LRRN3: variants seen among roughly 807,000 people sequenced by gnomAD.
LRRN3 encodes leucine-rich repeat neuronal protein 3.
A neutral mutation model predicts 40.1 loss-of-function variants in LRRN3; 15 were observed. That is an observed-to-expected ratio of 0.37 (90% CI 0.25 to 0.58). The LOEUF is 0.58. Among genes scored for constraint, LRRN3 ranks in the 20% least tolerant of loss-of-function variants. The pLI, the probability that LRRN3 is intolerant of heterozygous loss-of-function variation, is 0.72. For synonymous variants in LRRN3, 308 were observed against 297.2 expected (o/e 1.04, Z -0.37); for missense variants, 746 against 837.7 (o/e 0.89, Z 1.35).
chr7:111,120,080 G>C (rs145918599), intron 2 of LRRN3, among the ~76,000 whole-genome samples: 2 of 152,078 alleles, frequency 1.3e-5, no homozygotes, highest in Non-Finnish European at 2.9e-5. Flanking sequence ...AATGGCAGAC[G>C]GTGAGGTAAA....
intron 2 of LRRN3, among the ~76,000 whole-genome samples, chr7:111,118,795 T>C (rs1019610948): frequency 7.9e-5 from 12 of 152,148 alleles, no homozygotes; most frequent in Non-Finnish European, 1.6e-4. Flanking sequence ...TAAATTTCTA[T>C]ATTCTCTATT....
In LRRN3 at chr7:111,125,104, G is replaced by T; in HGVS notation, c.*205G>T. 2.2e-6 allele frequency: 1 copy of T among 461,630 alleles called. No individual in the cohort carries two copies. The highest frequency in any genetic ancestry group is 4.0e-5 in the Admixed American group (1 of 25,306). The allele number at this position is 461,630 out of a possible 1,614,324, so 28.6% of individuals were successfully genotyped here. A position where few individuals can be genotyped will look rare whatever the true frequency, so the allele number is the denominator to read the frequency against. ...CAGCATTTTAAGTAACTGGCTTCAAGGGGTACTGTGGCAACCAAATAAAAT... is the reference window on the plus strand; with the variant it reads ...CAGCATTTTAAGTAACTGGCTTCAATGGGTACTGTGGCAACCAAATAAAAT... On this transcript the variant is annotated 3_prime_UTR_variant, in exon 3 of 3. Coordinates refer to ENST00000308478, the MANE Select transcript of LRRN3 (RefSeq NM_001099658.2).
At chr7:111,103,110 G>A (rs1425341356) in intron 2 of LRRN3, among the ~76,000 whole-genome samples, 1 of 151,502 alleles carries the variant, frequency 6.6e-6, no homozygotes, top group Non-Finnish European at 1.5e-5. Context: ...GAGTACTAAT[G>A]AATGTTGTTA....
Position 111,124,072 on chromosome 7 carries a change from G to T in LRRN3, c.1300G>T (p.Val434Leu), listed in dbSNP as rs1324286321. 3 of 1,613,912 alleles carry T rather than the reference G, an allele frequency of 1.9e-6. No individual in the cohort carries two copies. The Admixed American group carries it at 5.0e-5, about 27-fold the overall frequency. Residue 434 changes from valine to leucine, a missense_variant, in exon 3 of 3, where the codon GTA becomes TTA. Val to Leu is a conservative substitution (Grantham distance 32). Transcript: ENST00000308478. ...TGAGAGCTTTCCTTCTAATCTAAAT[G>T]TAGAAGCTGGGAGCTATGTTTCCTT... ...APESFPSNLNVEAGSYVSFHC... is the reference protein window; with the variant it reads ...APESFPSNLNLEAGSYVSFHC...
chr7:111,091,872 CAGAG>C (rs1037923829), intron 1 of LRRN3, among the ~76,000 whole-genome samples: 2 of 151,722 alleles, frequency 1.3e-5, no homozygotes, highest in East Asian at 1.9e-4. Flanking sequence ...AGAGAGAAGA[CAGAG>C]AGGAGACAGA....
At chr7:111,108,639 A>C (rs1047627033) in intron 2 of LRRN3, among the ~76,000 whole-genome samples, 2 of 152,178 alleles carry the variant, frequency 1.3e-5, no homozygotes, top group African/African-American at 2.4e-5. Context: ...TCACAGATTT[A>C]ATTATACCCT....
chr7:111,124,517 A>T lies in LRRN3; in HGVS notation c.1745A>T (p.His582Leu). The stretch of plus-strand genomic sequence containing the variant: ...GATGTCAAGGTATATAATCTTACTC[A>T]TCTGAATCCATCAACTGAGTATAAA... Reference protein sequence around the residue: ...PSDVKVYNLTHLNPSTEYKIC... With the variant: ...PSDVKVYNLTLLNPSTEYKIC... Residue 582 changes from histidine to leucine, a missense_variant, in exon 3 of 3, where the codon CAT (histidine) becomes CTT (leucine). Physicochemically the swap from His to Leu is moderately conservative, Grantham distance 99 (BLOSUM62 -3). Coordinates refer to ENST00000308478, the MANE Select transcript of LRRN3 (RefSeq NM_001099658.2). 1 of 1,613,910 alleles carries T rather than the reference A, an allele frequency of 6.2e-7. No individual in the cohort carries two copies. Among genetic ancestry groups the T allele is most frequent in the Non-Finnish European group, 8.5e-7 (1 of 1,179,934 alleles).
intron 2 of LRRN3, among the ~76,000 whole-genome samples, chr7:111,117,402 C>A (rs1241876865): frequency 1.3e-5 from 2 of 152,146 alleles, no homozygotes; most frequent in African/African-American, 2.4e-5. Flanking sequence ...ACAAAATCAT[C>A]CAGTAAACCT....
chr7:111,100,119 A>C (rs1002354813), intron 2 of LRRN3, among the ~76,000 whole-genome samples, 157 bp downstream of exon 2: 1 of 151,612 alleles, frequency 6.6e-6, no homozygotes, highest in Non-Finnish European at 1.5e-5. Flanking sequence ...TGTCTTCCTT[A>C]GCATGTATTT....
rs755096505 is a variant in LRRN3, at chr7:111,124,264, G to T, written c.1492G>T (p.Ala498Ser). Residue 498 changes from alanine to serine, a missense_variant, in exon 3 of 3, where the codon GCA (alanine) becomes TCA (serine). Transcript: ENST00000308478. ...PKEGGLYTCI[A>S]TNLVGADLKS... Reference sequence around the variant, plus strand: ...AGAAGGGGGTTTATATACTTGTATAGCAACTAACCTAGTTGGCGCTGACTT... The same window carrying T: ...AGAAGGGGGTTTATATACTTGTATATCAACTAACCTAGTTGGCGCTGACTT... 3 of 1,613,964 alleles carry T rather than the reference G, an allele frequency of 1.9e-6. No homozygotes were observed. The Admixed American group carries it at 5.0e-5, about 27-fold the overall frequency.
Position 111,123,151 on chromosome 7 carries a change from A to G in LRRN3, c.379A>G (p.Lys127Glu). ...QLLSVYLEEN[K>E]LTELPEKCLS... ...CCTTTCTGTGTACCTAGAGGAAAAC[A>G]AACTTACTGAACTGCCTGAAAAATG... The change falls in exon 3 of 3, where the codon AAA (lysine) becomes GAA (glutamate). Residue 127 changes from lysine (K) to glutamate (E), a missense_variant. Lys to Glu is a moderately conservative substitution (Grantham distance 56). Coordinates refer to ENST00000308478, the MANE Select transcript of LRRN3 (RefSeq NM_001099658.2). The surrounding 1 kb of genome is among the most constrained non-coding windows in gnomAD (Gnocchi z 6.4). The G allele has an allele frequency of 6.2e-7, 1 of 1,614,000 alleles. No individual in the cohort carries two copies. The highest frequency in any genetic ancestry group is 1.1e-5 in the South Asian group (1 of 91,082).
At chr7:111,097,975 G>T (rs1331500365) in intron 1 of LRRN3, among the ~76,000 whole-genome samples, 1 of 151,818 alleles carries the variant, frequency 6.6e-6, no homozygotes, top group African/African-American at 2.4e-5. Context: ...AGCGAAAAGA[G>T]AATTGTGTCT....
intron 2 of LRRN3, among the ~76,000 whole-genome samples, chr7:111,102,621 A>C (rs1586277483): frequency 6.6e-6 from 1 of 151,626 alleles, no homozygotes. Context: ...AAAATTACTA[A>C]ATGGAAGCCC....
chr7:111,114,740 AAAAAAAAAAAAAAGAAAG>A (rs1358769182), intron 2 of LRRN3, among the ~76,000 whole-genome samples: 1 of 147,966 alleles, frequency 6.8e-6, no homozygotes, highest in Non-Finnish European at 1.5e-5. Context: ...CTCCATCTCA[AAAAAAAAAAAAAAGAAAG>A]AAAGAAAAAA....
At chr7:111,094,663 C>A (rs984712153) in intron 1 of LRRN3, among the ~76,000 whole-genome samples, 2 of 152,146 alleles carry the variant, frequency 1.3e-5, no homozygotes, top group African/African-American at 2.4e-5. Flanking sequence ...TGTATAACAA[C>A]TGAACATAGC....
Position 111,118,989 on chromosome 7 carries a change from A to C in LRRN3, c.-358-3426A>C, listed in dbSNP as rs532719665. Among the ~76,000 whole-genome samples the C allele has an allele frequency of 8.5e-5, 13 of 152,258 alleles. No individual in the cohort carries two copies. In the East Asian group the frequency reaches 2.5e-3, roughly 29 times the overall value. On this transcript the variant is annotated intron_variant, in intron 2 of 2. Transcript: ENST00000308478. The stretch of plus-strand genomic sequence containing the variant: ...CATTTTCTAATTAAACACAAATATA[A>C]ATTTTAAGACACCCACCAGGATAAT...
intron 2 of LRRN3, among the ~76,000 whole-genome samples, chr7:111,115,399 A>G (rs1043355109): frequency 6.6e-6 from 1 of 152,184 alleles, no homozygotes; most frequent in Non-Finnish European, 1.5e-5. Context: ...ATAATTAAAT[A>G]TAACTACAAA....
chr7:111,097,963 C>A (rs1797581754), intron 1 of LRRN3, among the ~76,000 whole-genome samples: 1 of 151,640 alleles, frequency 6.6e-6, no homozygotes, highest in Admixed American at 6.6e-5. Flanking sequence ...AAAGATAGAG[C>A]AAGCGAAAAG....
At chr7:111,118,022 A>G (rs1363266678) in intron 2 of LRRN3, among the ~76,000 whole-genome samples, 4 of 152,124 alleles carry the variant, frequency 2.6e-5, no homozygotes, top group Admixed American at 6.5e-5. Flanking sequence ...CTGATTTTTC[A>G]TAAGTATCAC....
Sources: gnomAD v4.1 joint callset for allele counts (sites outside exome capture counted in the v4.1 genomes callset) on GRCh38, gnomAD v4.1.1 for gene constraint, Gnocchi (gnomAD v3.1) non-coding constraint, MANE v1.5 for transcripts, NCBI Gene and HGNC (gene_info 2026-07-23, HGNC 2026-07-21) for gene names.